Variants in DMRT1 observed in about 807,000 individuals in gnomAD.
The protein encoded by DMRT1 is doublesex and mab-3 related transcription factor 1, also known as doublesex- and mab-3-related transcription factor 1.
Under a neutral mutation model 32.3 loss-of-function variants are expected in DMRT1, and 7 were observed. The ratio of observed to expected loss-of-function variants is 0.22; its 90% CI spans 0.12 to 0.41. The LOEUF (loss-of-function observed/expected upper bound fraction) is 0.41, where lower values mean the gene tolerates loss of function less well. Among genes scored for constraint, DMRT1 ranks in the 10% least tolerant of loss-of-function variants. The pLI, the probability that DMRT1 is intolerant of heterozygous loss-of-function variation, is 1.00. For synonymous variants in DMRT1, 278 were observed against 206.1 expected (o/e 1.35, Z -2.99); for missense variants, 625 against 500.5 (o/e 1.25, Z -2.37).
chr9:934,165 C>G (rs1818812831), intron 4 of DMRT1, among the ~76,000 whole-genome samples: 1 of 152,148 alleles, frequency 6.6e-6, no homozygotes, highest in Non-Finnish European at 1.5e-5. Context: ...GGCAAGGATG[C>G]TTTCATTAAA....
intron 4 of DMRT1, among the ~76,000 whole-genome samples, chr9:951,041 C>G (rs1400019861): frequency 6.6e-6 from 1 of 152,126 alleles, no homozygotes; most frequent in Admixed American, 6.5e-5. Flanking sequence ...TGCCTTTTCT[C>G]TCAATTTTAT....
chr9:918,546 C>G (rs889535499), intron 4 of DMRT1, among the ~76,000 whole-genome samples: 2 of 152,178 alleles, frequency 1.3e-5, no homozygotes, highest in African/African-American at 2.4e-5. Flanking sequence ...ACCAGCTGTA[C>G]TAGCGCTCAC....
chr9:879,123 C>G (rs912190161), intron 2 of DMRT1, among the ~76,000 whole-genome samples: 2 of 152,100 alleles, frequency 1.3e-5, no homozygotes, highest in African/African-American at 4.8e-5. Context: ...ATGCCAGGCT[C>G]TAATTCTCTC....
intron 4 of DMRT1, among the ~76,000 whole-genome samples, chr9:948,775 G>C (rs1819331329): frequency 6.6e-6 from 1 of 151,914 alleles, no homozygotes. Flanking sequence ...AAACAAAACA[G>C]GCTGGCGCGG....
chr9:897,174 G>T (rs779994409), intron 3 of DMRT1, among the ~76,000 whole-genome samples: 4 of 151,174 alleles, frequency 2.6e-5, no homozygotes, highest in African/African-American at 7.3e-5. Context: ...GTGCAGTGGC[G>T]CCATCTCGGC....
intron 2 of DMRT1, among the ~76,000 whole-genome samples, chr9:886,289 T>A (rs1377590655): frequency 6.6e-6 from 1 of 152,204 alleles, no homozygotes; most frequent in African/African-American, 2.4e-5. Flanking sequence ...GGAGTCTCGC[T>A]CTGTCACCCA....
At chr9:862,813 C>T (rs975525425) in intron 2 of DMRT1, among the ~76,000 whole-genome samples, 1 of 151,978 alleles carries the variant, frequency 6.6e-6, no homozygotes, top group Admixed American at 6.6e-5. Flanking sequence ...TGGGGTTTTC[C>T]TAGTTAGGTG....
chr9:848,543 G>C (rs10977039), intron 2 of DMRT1, among the ~76,000 whole-genome samples: 101,799 of 144,440 alleles, frequency 0.7, 36,426 homozygotes, highest in Middle Eastern at 0.79. Context: ...CCAAACTTTT[G>C]TTTCCTTTCT....
chr9:907,631 G>A (rs1483466974), intron 3 of DMRT1, among the ~76,000 whole-genome samples: 1 of 152,268 alleles, frequency 6.6e-6, no homozygotes, highest in East Asian at 1.9e-4. Flanking sequence ...AAACATTTTA[G>A]ATTGAGACCC....
At chr9:895,575 T>A (rs765438635) in intron 3 of DMRT1, among the ~76,000 whole-genome samples, 2 of 152,206 alleles carry the variant, frequency 1.3e-5, no homozygotes, top group Non-Finnish European at 1.5e-5. Context: ...ATATTTAAGA[T>A]GTACAATGTG....
At chr9:964,770 G>C (rs951935022) in intron 4 of DMRT1, among the ~76,000 whole-genome samples, 2 of 152,266 alleles carry the variant, frequency 1.3e-5, no homozygotes, top group East Asian at 3.9e-4. Flanking sequence ...TTATTCCCCA[G>C]AGTGGAATTA....
At chr9:932,245 C>G (rs527298673) in intron 4 of DMRT1, among the ~76,000 whole-genome samples, 6 of 152,306 alleles carry the variant, frequency 3.9e-5, no homozygotes, top group African/African-American at 1.4e-4. Flanking sequence ...AACAAATGCT[C>G]TGCATAACCT....
At chr9:880,757 A>G (rs189779839) in intron 2 of DMRT1, among the ~76,000 whole-genome samples, 5,181 of 141,368 alleles carry the variant, frequency 0.037, 288 homozygotes, top group African/African-American at 0.13. Flanking sequence ...AAGAAAAGGA[A>G]AAAAAGTATA....
chr9:852,140 T>C (rs1815170159), intron 2 of DMRT1, among the ~76,000 whole-genome samples: 1 of 152,006 alleles, frequency 6.6e-6, no homozygotes, highest in African/African-American at 2.4e-5. Context: ...TTTCACCATG[T>C]TGGCCACGCT....
At chr9:890,701 C>T (rs1817111013) in intron 2 of DMRT1, among the ~76,000 whole-genome samples, 1 of 151,976 alleles carries the variant, frequency 6.6e-6, no homozygotes, top group African/African-American at 2.4e-5. Context: ...ACTTAAACCT[C>T]TATTTATTTC....
chr9:934,665 G>A (rs2129877059), intron 4 of DMRT1, among the ~76,000 whole-genome samples: 1 of 152,286 alleles, frequency 6.6e-6, no homozygotes, highest in South Asian at 2.1e-4. Flanking sequence ...GTTAATTTTT[G>A]TATATGGTGT....
Position 968,425 on chromosome 9 carries a change from A to AT in DMRT1, c.*288dup, listed in dbSNP as rs1820006274. On this transcript the variant is annotated 3_prime_UTR_variant, in exon 5 of 5. Coordinates refer to ENST00000382276, the MANE Select transcript of DMRT1 (RefSeq NM_021951.3). ...TAGTTTTCAAGAAATAAAAGAATTC[A>AT]TTCAAGTGAAGCCATTTGTGTGCCT... The AT allele has an allele frequency of 8.3e-6, 3 of 362,096 alleles. No homozygotes were observed. In the East Asian group the frequency reaches 1.8e-4, roughly 21 times the overall value. 22.4% of individuals were successfully genotyped at this position (362,096 alleles called of 1,614,324 possible).
chr9:915,453 T>A (rs1173387032), intron 3 of DMRT1, among the ~76,000 whole-genome samples: 1 of 151,694 alleles, frequency 6.6e-6, no homozygotes, highest in Non-Finnish European at 1.5e-5. Flanking sequence ...AAAGGCAGGG[T>A]CTGGTTGCCG....
intron 4 of DMRT1, among the ~76,000 whole-genome samples, chr9:962,745 TAAAC>T (rs1156295805): frequency 6.6e-6 from 1 of 152,152 alleles, no homozygotes; most frequent in African/African-American, 2.4e-5. Flanking sequence ...CATGTTAATA[TAAAC>T]AAAAAAGGCT....
Sources: allele counts gnomAD v4.1 joint callset (sites outside exome capture counted in the v4.1 genomes callset), GRCh38; gene constraint gnomAD v4.1.1; transcripts MANE v1.5; gene names NCBI Gene and HGNC (gene_info 2026-07-23, HGNC 2026-07-21).